The following PLAGL1 variants were observed in gnomAD, a reference collection of about 807,000 sequenced individuals.
PLAGL1 encodes the protein PLAG1 like zinc finger 1.
PLAGL1 carries 1 observed loss-of-function variant against 4.6 expected under a neutral mutation model. The ratio of observed to expected loss-of-function variants is 0.22; its 90% CI spans 0.08 to 1.03. PLAGL1 has a LOEUF of 1.03. PLAGL1 is among the 50% of genes least tolerant of loss of function. PLAGL1 has a pLI of 0.58. For missense variants in PLAGL1, 464 were observed against 570.4 expected, an observed-to-expected ratio of 0.81 and a Z score of 1.90; for synonymous variants, 240 against 237.8, an observed-to-expected ratio of 1.01 and a Z score of -0.08.
In PLAGL1 at chr6:143,994,840, A is replaced by T. The variant is rs892211979; in HGVS notation, c.-583-9666T>A. On this transcript the variant is annotated intron_variant, in intron 1 of 7. Coordinates refer to ENST00000674357, the MANE Select transcript of PLAGL1 (RefSeq NM_001317162.2). The surrounding 1 kb of genome is among the most constrained non-coding windows in gnomAD (Gnocchi z 4.3). Reference sequence around the variant, plus strand: ...CTTTAATCCAATTAAAATTCTCATTATAATACATGTCAGTTTCTGATGTGT... The same window carrying T: ...CTTTAATCCAATTAAAATTCTCATTTTAATACATGTCAGTTTCTGATGTGT... 5.3e-5 allele frequency among the ~76,000 whole-genome samples: 8 copies of T among 152,220 alleles called. No individual in the cohort carries two copies. Among genetic ancestry groups the T allele is most frequent in the Admixed American group, 4.6e-4 (7 of 15,288 alleles).
chr6:144,044,446 A>G (rs1463147525), intron 1 of PLAGL1, among the ~76,000 whole-genome samples: 5 of 152,200 alleles, frequency 3.3e-5, no homozygotes, highest in Non-Finnish European at 7.3e-5. Flanking sequence ...CCCAGTAGTC[A>G]TTCAGGAGCA....
Position 143,941,901 on chromosome 6 carries a change from G to A in PLAGL1, c.915C>T (p.Thr305=), listed in dbSNP as rs200036472. 22 of 1,613,378 alleles carry A rather than the reference G, an allele frequency of 1.4e-5. No homozygotes were observed. The Admixed American group carries it at 2.3e-4, about 17-fold the overall frequency. Residue 305 remains threonine, a synonymous_variant, in exon 8 of 8, where the codon ACC becomes ACT. Transcript: ENST00000674357. The surrounding 1 kb of genome is among the most constrained non-coding windows in gnomAD (Gnocchi z 6.0). The part of the protein sequence containing the change: ...PPPLPNHKYN[T]TSTSYSPLAS... ...CAAGTGGGGAGTATGAGGTAGAAGT[G>A]GTGTTGTACTTGTGATTGGGAAGGG...
intron 1 of PLAGL1, among the ~76,000 whole-genome samples, chr6:144,058,133 T>C (rs1799124499): frequency 6.6e-6 from 1 of 152,190 alleles, no homozygotes; most frequent in South Asian, 2.1e-4. Flanking sequence ...ACAAGAAGCA[T>C]GGTGCTGACA....
intron 1 of PLAGL1, among the ~76,000 whole-genome samples, chr6:144,017,206 T>C (rs924047717): frequency 6.6e-6 from 1 of 152,206 alleles, no homozygotes; most frequent in Non-Finnish European, 1.5e-5. Context: ...TGTAGTTTTT[T>C]TTTAAAGCGC....
In PLAGL1 at chr6:143,947,945, C is replaced by G; in HGVS notation, c.152+40G>C. 1.5e-5 allele frequency: 23 copies of G among 1,574,918 alleles called. No individual in the cohort carries two copies. The highest frequency in any genetic ancestry group is 1.8e-5 in the Non-Finnish European group (21 of 1,146,406). On this transcript the variant is annotated intron_variant, in intron 7 of 7. Coordinates refer to ENST00000674357, the MANE Select transcript of PLAGL1 (RefSeq NM_001317162.2). This position sits in a 1 kb window ranked among gnomAD's most constrained non-coding sequence, Gnocchi z 4.3. ...CTGAGGGCTAGAAAAGCCATTTAAA[C>G]GTACTTCTAAAAGTGCATACCTTTG... is the stretch of plus-strand genomic sequence containing the variant.
Position 143,964,103 on chromosome 6 carries a change from C to A in PLAGL1, c.-399+684G>T, listed in dbSNP as rs1338727438. Among the ~76,000 whole-genome samples the A allele has an allele frequency of 1.3e-5, 2 of 152,066 alleles. No homozygotes were observed. Among genetic ancestry groups the A allele is most frequent in the Non-Finnish European group, 2.9e-5 (2 of 68,018 alleles). On this transcript the variant is annotated intron_variant, in intron 5 of 7. Coordinates refer to ENST00000674357, the MANE Select transcript of PLAGL1 (RefSeq NM_001317162.2). This position sits in a 1 kb window ranked among gnomAD's most constrained non-coding sequence, Gnocchi z 4.3. ...CATGGCCAACCCCCCATCCCAGGGC[C>A]TGATAAGGAGGTATGTCAGTCCCCA...
In PLAGL1 at chr6:144,050,548, A is replaced by T. The variant is rs1562612662; in HGVS notation, c.-151+13920T>A. On this transcript the variant is annotated intron_variant, in intron 1 of 3. Transcript: ENST00000437412. This position sits in a 1 kb window ranked among gnomAD's most constrained non-coding sequence, Gnocchi z 4.3. ...ATTACATTATAGGCTTATTCTAGGG[A>T]ATAAATATCTTATTCCTGCCTTGCA... 6.6e-6 allele frequency among the ~76,000 whole-genome samples: 1 copy of T among 152,134 alleles called. No individual in the cohort carries two copies. The highest frequency in any genetic ancestry group is 2.4e-5 in the African/African-American group (1 of 41,418).
intron 1 of PLAGL1, among the ~76,000 whole-genome samples, chr6:144,042,605 C>T (rs4418203): frequency 0.83 from 125,724 of 152,080 alleles, 52,076 homozygotes; most frequent in Non-Finnish European, 0.86. Flanking sequence ...AGTCAGGTAG[C>T]GTGATGCCTC....
Position 143,942,325 on chromosome 6 carries a change from C to T in PLAGL1, c.491G>A (p.Cys164Tyr). The T allele has an allele frequency of 6.2e-7, 1 of 1,614,112 alleles. No individual in the cohort carries two copies. Among genetic ancestry groups the T allele is most frequent in the Middle Eastern group, 1.6e-4 (1 of 6,062 alleles). Reference protein sequence around the residue: ...KKHQCDHCERCFYTRKDVRRH... With the variant: ...KKHQCDHCERYFYTRKDVRRH... ...TCGCACATCCTTCCGGGTGTAGAAG[C>T]ATCTTTCACAGTGGTCGCACTGGTG... is the stretch of plus-strand genomic sequence containing the variant. Residue 164 changes from cysteine to tyrosine, a missense_variant, in exon 8 of 8, where the codon TGC becomes TAC. Coordinates refer to ENST00000674357, the MANE Select transcript of PLAGL1 (RefSeq NM_001317162.2). The surrounding 1 kb of genome is among the most constrained non-coding windows in gnomAD (Gnocchi z 7.6).
intron 1 of PLAGL1, among the ~76,000 whole-genome samples, chr6:144,044,358 G>A (rs1387680749): frequency 2.0e-5 from 3 of 152,076 alleles, no homozygotes; most frequent in East Asian, 3.8e-4. Flanking sequence ...AACGTGTCCC[G>A]GAGATTCTGG....
rs183856961 is a variant in PLAGL1 at position 144,016,549 on chromosome 6, A to G, written c.-150-47571T>C. Among the ~76,000 whole-genome samples the G allele has an allele frequency of 3.3e-5, 5 of 152,374 alleles. No individual in the cohort carries two copies. In the East Asian group the frequency reaches 7.7e-4, roughly 23 times the overall value. Reference sequence around the variant, plus strand: ...GTAAACGACACATGGTCCCATTCATAGGAAATTTTAGAAACACAAAATTAT... The same window carrying G: ...GTAAACGACACATGGTCCCATTCATGGGAAATTTTAGAAACACAAAATTAT... On this transcript the variant is annotated intron_variant, in intron 1 of 3. Coordinates refer to the PLAGL1 transcript ENST00000437412. This position sits in a 1 kb window ranked among gnomAD's most constrained non-coding sequence, Gnocchi z 4.2.
rs759582013 is a variant in PLAGL1, at chr6:143,941,889, T to A, written c.927A>T (p.Ser309=). The A allele has an allele frequency of 6.2e-7, 1 of 1,613,772 alleles. No homozygotes were observed. The highest frequency in any genetic ancestry group is 2.2e-5 in the East Asian group (1 of 44,872). The change falls in exon 8 of 8, where the codon TCA becomes TCT. Residue 309 remains serine (S), a synonymous_variant. Transcript: ENST00000674357. This position sits in a 1 kb window ranked among gnomAD's most constrained non-coding sequence, Gnocchi z 6.0. ...GGGGCAGGCTTGCAAGTGGGGAGTATGAGGTAGAAGTGGTGTTGTACTTGT... is the reference window on the plus strand; with the variant it reads ...GGGGCAGGCTTGCAAGTGGGGAGTAAGAGGTAGAAGTGGTGTTGTACTTGT... ...PNHKYNTTST[S]YSPLASLPLK... is the part of the protein sequence containing the mutation.
rs73781348 is a variant in PLAGL1 at position 143,985,356 on chromosome 6, A to G, written c.-583-182T>C. Among the ~76,000 whole-genome samples, 1,291 of 152,246 alleles carry G rather than the reference A, an allele frequency of 8.5e-3. 13 individuals are homozygous for G. Among genetic ancestry groups the G allele is most frequent in the African/African-American group, 0.029 (1,192 of 41,540 alleles). ...TCACAACCGATATGTTTATATTAAT[A>G]CCATCTACTAGTCTATCGCGATTTC... On this transcript the variant is annotated intron_variant, in intron 1 of 7. Transcript: ENST00000674357. This position sits in a 1 kb window ranked among gnomAD's most constrained non-coding sequence, Gnocchi z 4.4.
chr6:143,950,982 G>A lies in PLAGL1; in HGVS notation c.-324-2522C>T, dbSNP rs1780949746. On this transcript the variant is annotated intron_variant, in intron 6 of 7. Transcript: ENST00000674357. The surrounding 1 kb of genome is among the most constrained non-coding windows in gnomAD (Gnocchi z 6.3). ...TTCCCATCAAAGGAGAGGAAGGCAA[G>A]GCTGTGCTTTCCTTGGACACAACTG... Among the ~76,000 whole-genome samples, 3 of 152,342 alleles carry A rather than the reference G, an allele frequency of 2.0e-5. No individual in the cohort carries two copies. The highest frequency in any genetic ancestry group is 1.9e-4 in the East Asian group (1 of 5,188).
intron 1 of PLAGL1, among the ~76,000 whole-genome samples, chr6:144,045,000 C>CATTTTTT (rs1798022580): frequency 2.1e-5 from 1 of 47,322 alleles, no homozygotes; most frequent in Non-Finnish European, 3.9e-5. Flanking sequence ...GCAACCCCTG[C>CATTTTTT]TTTTTTTTTT....
In PLAGL1 at chr6:143,941,951, C is replaced by T. The variant is rs746453740; in HGVS notation, c.865G>A (p.Val289Ile). ...GGTGGCGGAGGAGAGCCAGGGGATA[C>T]CGAGGGGTGGAGGGAGGCCAGGGAC... is the stretch of plus-strand genomic sequence containing the variant. Reference protein sequence around the residue: ...PESLASLHPSVSPGSPPPPLP... With the variant: ...PESLASLHPSISPGSPPPPLP... Residue 289 changes from valine to isoleucine, a missense_variant, in exon 8 of 8, where the codon GTA becomes ATA. This residue lies in a region of PLAGL1 where 248 missense variants were observed against 250.1 expected (regional missense o/e 0.99). Coordinates refer to ENST00000674357, the MANE Select transcript of PLAGL1 (RefSeq NM_001317162.2). The surrounding 1 kb of genome is among the most constrained non-coding windows in gnomAD (Gnocchi z 6.0). 1 of 1,603,158 alleles carries T rather than the reference C, an allele frequency of 6.2e-7. No homozygotes were observed. Among genetic ancestry groups the T allele is most frequent in the Non-Finnish European group, 8.5e-7 (1 of 1,173,834 alleles).
chr6:144,046,579 C>T (rs773672565), intron 1 of PLAGL1, among the ~76,000 whole-genome samples: 2 of 152,122 alleles, frequency 1.3e-5, no homozygotes, highest in Non-Finnish European at 2.9e-5. Context: ...CAGAGGGGCA[C>T]CTGGCTAAAT....
intron 1 of PLAGL1, among the ~76,000 whole-genome samples, chr6:144,042,179 A>G (rs1268192877): frequency 6.6e-6 from 1 of 152,118 alleles, no homozygotes; most frequent in Non-Finnish European, 1.5e-5. Context: ...CTTTCGTTTA[A>G]TTAGATCCCA....
Position 143,941,301 on chromosome 6 carries a change from A to G in PLAGL1, c.*123T>C, listed in dbSNP as rs2128501456. 1 of 675,798 alleles carries G rather than the reference A, an allele frequency of 1.5e-6. No homozygotes were observed. 41.9% of individuals were successfully genotyped at this position (675,798 alleles called of 1,614,324 possible). A position where few individuals can be genotyped will look rare whatever the true frequency, so the allele number is the denominator to read the frequency against. On this transcript the variant is annotated 3_prime_UTR_variant, in exon 8 of 8. Coordinates refer to ENST00000674357, the MANE Select transcript of PLAGL1 (RefSeq NM_001317162.2). The surrounding 1 kb of genome is among the most constrained non-coding windows in gnomAD (Gnocchi z 6.0). ...GAGAATTCTCTTATCATCTCAAGCC[A>G]GTCATCACTGAATAAGCCATAGTCC...
Sources: gnomAD v4.1 joint callset for allele counts (sites outside exome capture counted in the v4.1 genomes callset) on GRCh38, gnomAD v4.1.1 for gene constraint, gnomAD v4.1.1 regional missense constraint, Gnocchi (gnomAD v3.1) non-coding constraint, MANE v1.5 for transcripts, NCBI Gene and HGNC (gene_info 2026-07-23, HGNC 2026-07-21) for gene names.